The following TRPC7 variants were observed in gnomAD, a reference collection of about 807,000 sequenced individuals.
TRPC7 encodes the protein short transient receptor potential channel 7.
Under a neutral mutation model 90.1 loss-of-function variants are expected in TRPC7, and 42 were observed. That is an observed-to-expected ratio of 0.47 (90% CI 0.36 to 0.60). TRPC7 has a LOEUF of 0.60. Among genes scored for constraint, TRPC7 ranks in the 20% least tolerant of loss-of-function variants. The probability of loss-of-function intolerance (pLI) is 0.00; values close to 1 mark genes in which losing one functional copy is unlikely to be tolerated. For missense variants in TRPC7, 955 were observed against 1,112.3 expected (o/e 0.86, Z 2.01); for synonymous variants, 451 against 436.3 (o/e 1.03, Z -0.42).
At chr5:136,294,336 A>G (rs1011741775) in intron 3 of TRPC7, among the ~76,000 whole-genome samples, 16 of 152,334 alleles carry the variant, frequency 1.1e-4, no homozygotes, top group African/African-American at 3.4e-4. Context: ...AGAAACCACC[A>G]TCAGAGTGAA....
At chr5:136,287,687 C>CAAAAAAAAAAAAAAAAAAAAAAAAAAAA (rs767031610) in intron 3 of TRPC7, among the ~76,000 whole-genome samples, 1 of 59,520 alleles carries the variant, frequency 1.7e-5, no homozygotes, top group Non-Finnish European at 2.9e-5. Context: ...AGTGGATGCT[C>CAAAAAAAAAAAAAAAAAAAAAAAAAAAA]AAAAAAAAAA....
chr5:136,288,499 A>G (rs1757810939), intron 3 of TRPC7, among the ~76,000 whole-genome samples: 1 of 151,316 alleles, frequency 6.6e-6, no homozygotes, highest in Admixed American at 6.6e-5. Context: ...TCCCCTAACT[A>G]GTGCCGGCTA....
chr5:136,336,632 T>TG, intron 2 of TRPC7, among the ~76,000 whole-genome samples: 1 of 152,054 alleles, frequency 6.6e-6, no homozygotes, highest in South Asian at 2.1e-4. Context: ...TTATATTAGA[T>TG]ATTTCTCCTA....
chr5:136,322,607 G>C (rs1000157940), intron 2 of TRPC7, among the ~76,000 whole-genome samples: 4 of 152,072 alleles, frequency 2.6e-5, no homozygotes, highest in African/African-American at 9.7e-5. Context: ...GGGTTCAAGA[G>C]ATACTCTTGC....
chr5:136,251,904 A>G (rs1219013711), intron 5 of TRPC7, 22 bp from the exon 6 acceptor site: 4 of 1,602,368 alleles, frequency 2.5e-6, no homozygotes, highest in Non-Finnish European at 3.4e-6. Flanking sequence ...GGAGAAGGCC[A>G]GGCTCACTTT....
chr5:136,293,256 T>C (rs1758027791), intron 3 of TRPC7, among the ~76,000 whole-genome samples: 1 of 152,090 alleles, frequency 6.6e-6, no homozygotes, highest in East Asian at 1.9e-4. Flanking sequence ...CTCTCACCAC[T>C]CCTATTCAAC....
intron 2 of TRPC7, among the ~76,000 whole-genome samples, chr5:136,340,480 G>T (rs887789007): frequency 2.0e-5 from 3 of 152,004 alleles, no homozygotes; most frequent in Non-Finnish European, 4.4e-5. Flanking sequence ...AGTATTTGAG[G>T]TGATTAATAT....
chr5:136,337,393 C>A (rs962691187), intron 2 of TRPC7, among the ~76,000 whole-genome samples: 1 of 152,146 alleles, frequency 6.6e-6, no homozygotes. Flanking sequence ...TAGGGCCAGG[C>A]GTGGTGGCTC....
rs184057936 is a variant in TRPC7, at chr5:136,216,213, G to A, written c.2406C>T (p.Asp802=). ...VLKAQVDREN[D]EVNEGELKEI... Reference sequence around the variant, plus strand: ...CCAGTCATTTACCTTCATTGACTTCGTCATTTTCTCTGTCCACCTGGGCTT... The same window carrying A: ...CCAGTCATTTACCTTCATTGACTTCATCATTTTCTCTGTCCACCTGGGCTT... The change falls in exon 11 of 12, where the codon GAC becomes GAT. Residue 802 remains aspartate (D), a synonymous_variant. Transcript: ENST00000513104. The A allele has an allele frequency of 4.6e-4, 742 of 1,612,768 alleles. 2 individuals carry two copies. In the African/African-American group the frequency reaches 8.8e-3, roughly 19 times the overall value.
intron 5 of TRPC7, among the ~76,000 whole-genome samples, chr5:136,255,958 C>T (rs1197628876): frequency 1.3e-5 from 2 of 152,216 alleles, no homozygotes; most frequent in Non-Finnish European, 2.9e-5. Flanking sequence ...AGAAAAGACT[C>T]TTGAACATTT....
chr5:136,232,417 C>A (rs752836070), intron 7 of TRPC7, among the ~76,000 whole-genome samples: 16 of 152,316 alleles, frequency 1.1e-4, no homozygotes, highest in Non-Finnish European at 1.9e-4. Context: ...CCTCCTGTTA[C>A]AGAGCTGAGG....
rs1171659632 is a variant in TRPC7, at chr5:136,357,087, C to T, written c.301G>A (p.Glu101Lys). 5.0e-6 allele frequency: 8 copies of T among 1,613,914 alleles called. No homozygotes were observed. The Middle Eastern group carries it at 4.9e-4, about 99-fold the overall frequency. ...LEVTELLLKKENLARVGDALL... is the reference protein window; with the variant it reads ...LEVTELLLKKKNLARVGDALL... ...GCGTCCCCCACCCGTGCCAGGTTCT[C>T]CTTCTTCAGCAGCAGCTCCGTGACC... Residue 101 changes from glutamate to lysine, a missense_variant, in exon 2 of 12, where the codon GAG becomes AAG. Physicochemically the swap from Glu to Lys is moderately conservative, Grantham distance 56. This residue lies in a region of TRPC7 where 161 missense variants were observed against 145.7 expected (regional missense o/e 1.10). Coordinates refer to ENST00000513104, the MANE Select transcript of TRPC7 (RefSeq NM_020389.3).
intron 2 of TRPC7, among the ~76,000 whole-genome samples, chr5:136,354,203 C>T (rs1463781392): frequency 6.6e-6 from 1 of 152,122 alleles, no homozygotes; most frequent in African/African-American, 2.4e-5. Context: ...AAAGTTCAAC[C>T]AATTCTCCTC....
intron 3 of TRPC7, among the ~76,000 whole-genome samples, chr5:136,298,255 G>T (rs1218445160): frequency 1.3e-5 from 2 of 152,154 alleles, no homozygotes; most frequent in African/African-American, 2.4e-5. Flanking sequence ...AGCCAGCAGA[G>T]ACCTGAGGGA....
At chr5:136,358,113 A>G (rs1760448685) in intron 1 of TRPC7, among the ~76,000 whole-genome samples, 1 of 152,150 alleles carries the variant, frequency 6.6e-6, no homozygotes. Flanking sequence ...CAACCTAGGC[A>G]CCTATTAAAG....
chr5:136,232,995 G>A (rs980406075), intron 7 of TRPC7, among the ~76,000 whole-genome samples: 2 of 152,078 alleles, frequency 1.3e-5, no homozygotes, highest in African/African-American at 2.4e-5. Flanking sequence ...AAAAATACTG[G>A]TACTCGTCAC....
intron 3 of TRPC7, among the ~76,000 whole-genome samples, chr5:136,308,582 C>A (rs993430476): frequency 6.6e-6 from 1 of 152,214 alleles, no homozygotes; most frequent in East Asian, 1.9e-4. Context: ...TGCTCACTGG[C>A]CCTGCCTGTG....
chr5:136,357,251 C>G lies in TRPC7; in HGVS notation c.137G>C (p.Arg46Pro), dbSNP rs1357755967. ...GCCATACTCAGCCGAGTCCAGGAAG[C>G]GCTCCTCCTCGGGCGTCAGACTGGT... The part of the protein sequence containing the change: ...KGTSLTPEEE[R>P]FLDSAEYGNI... The change falls in exon 2 of 12, where the codon CGC becomes CCC. Residue 46 changes from arginine to proline, a missense_variant. By Grantham distance (103) the Arg-to-Pro change is moderately radical. Transcript: ENST00000513104. 3 of 1,613,692 alleles carry G rather than the reference C, an allele frequency of 1.9e-6. No individual in the cohort carries two copies. Among genetic ancestry groups the G allele is most frequent in the East Asian group, 2.2e-5 (1 of 44,860 alleles).
intron 5 of TRPC7, among the ~76,000 whole-genome samples, chr5:136,255,836 A>G (rs1284349435): frequency 6.6e-6 from 1 of 152,202 alleles, no homozygotes; most frequent in Non-Finnish European, 1.5e-5. Context: ...GTGCCCTGCT[A>G]GGAAGCAGGA....
Sources: allele counts gnomAD v4.1 joint callset (sites outside exome capture counted in the v4.1 genomes callset), GRCh38; gene constraint gnomAD v4.1.1; regional missense constraint gnomAD v4.1.1; transcripts MANE v1.5; gene names NCBI Gene and HGNC (gene_info 2026-07-23, HGNC 2026-07-21).